Variants in NWD2 observed in about 807,000 individuals in gnomAD.
The protein encoded by NWD2 is NACHT and WD repeat domain-containing protein 2.
In NWD2, 37 loss-of-function variants were observed where a neutral mutation model predicts 132.7. The ratio of observed to expected loss-of-function variants is 0.28; its 90% CI spans 0.21 to 0.37. The LOEUF (loss-of-function observed/expected upper bound fraction) is 0.37, where lower values mean the gene tolerates loss of function less well. Ranked by LOEUF, NWD2 falls within the 10% of genes least tolerant of loss-of-function variation. The pLI, the probability that NWD2 is intolerant of heterozygous loss-of-function variation, is 1.00. For synonymous variants in NWD2, 705 were observed against 803.0 expected (o/e 0.88, Z 2.06); for missense variants, 1,592 against 2,122.4 (o/e 0.75, Z 4.91).
At chr4:37,353,086 A>C (rs1023746377) in intron 2 of NWD2, among the ~76,000 whole-genome samples, 1 of 152,150 alleles carries the variant, frequency 6.6e-6, no homozygotes, top group African/African-American at 2.4e-5. Context: ...TTGTTTGTAA[A>C]GGATTTTATT....
intron 3 of NWD2, among the ~76,000 whole-genome samples, chr4:37,388,644 AT>A (rs1418781402): frequency 9.0e-6 from 1 of 111,264 alleles, no homozygotes; most frequent in Admixed American, 8.3e-5. Context: ...TCATATATAA[AT>A]ATATATATCA....
intron 1 of NWD2, among the ~76,000 whole-genome samples, chr4:37,258,193 C>A (rs533927958): frequency 6.6e-6 from 1 of 152,356 alleles, no homozygotes; most frequent in East Asian, 1.9e-4. Context: ...AAATGAGCAG[C>A]CACTATTCTC....
intron 1 of NWD2, among the ~76,000 whole-genome samples, chr4:37,298,702 G>A (rs1033791335): frequency 1.3e-5 from 2 of 152,032 alleles, no homozygotes; most frequent in African/African-American, 4.8e-5. Flanking sequence ...ATTCAGACAA[G>A]GATCATCAAT....
chr4:37,370,835 A>G (rs1720211509), intron 3 of NWD2, among the ~76,000 whole-genome samples: 2 of 152,142 alleles, frequency 1.3e-5, no homozygotes, highest in Admixed American at 6.5e-5. Context: ...ATTTTGCCTC[A>G]TTTTGTTGCT....
intron 1 of NWD2, among the ~76,000 whole-genome samples, chr4:37,293,506 C>T (rs34253717): frequency 0.12 from 17,866 of 152,264 alleles, 1,141 homozygotes; most frequent in Middle Eastern, 0.16. Flanking sequence ...TGTGTCTTCA[C>T]AATCCATTGA....
chr4:37,277,808 T>C (rs1487818940), intron 1 of NWD2, among the ~76,000 whole-genome samples: 1 of 152,182 alleles, frequency 6.6e-6, no homozygotes, highest in African/African-American at 2.4e-5. Context: ...CTGGTCATTC[T>C]AGTTAACATA....
chr4:37,389,901 C>G (rs943503362), intron 3 of NWD2, among the ~76,000 whole-genome samples: 7 of 152,156 alleles, frequency 4.6e-5, no homozygotes, highest in African/African-American at 9.7e-5. Flanking sequence ...CTGCTTCAGC[C>G]TCGCGAGTAG....
At chr4:37,345,638 C>T (rs1357351750) in intron 2 of NWD2, among the ~76,000 whole-genome samples, 13 of 152,156 alleles carry the variant, frequency 8.5e-5, no homozygotes, top group African/African-American at 2.9e-4. Context: ...TGTTTTCTTG[C>T]ATTTTGTGTT....
intron 3 of NWD2, among the ~76,000 whole-genome samples, chr4:37,421,291 G>A (rs781176257): frequency 6.6e-6 from 1 of 152,168 alleles, no homozygotes; most frequent in Non-Finnish European, 1.5e-5. Flanking sequence ...GTTGTAATCT[G>A]TACTTTGGAG....
In NWD2 at chr4:37,311,932, T is replaced by C. The variant is rs1442296389; in HGVS notation, c.152-14004T>C. ...TTTGTCAGGTTTGTCAAAGATCAGA[T>C]AGTTGTAGATATGCGGCGTTATTTC... On this transcript the variant is annotated intron_variant, in intron 1 of 6. Transcript: ENST00000309447. 3.3e-5 allele frequency among the ~76,000 whole-genome samples: 5 copies of C among 151,644 alleles called. No individual in the cohort carries two copies. In the East Asian group the frequency reaches 7.7e-4, roughly 23 times the overall value.
chr4:37,265,822 A>G lies in NWD2; in HGVS notation c.151+20604A>G, dbSNP rs140479067. Among the ~76,000 whole-genome samples, 438 of 152,120 alleles carry G rather than the reference A, an allele frequency of 2.9e-3. 3 individuals carry two copies. Among genetic ancestry groups the G allele is most frequent in the South Asian group, 0.014 (68 of 4,824 alleles). On this transcript the variant is annotated intron_variant, in intron 1 of 6. Coordinates refer to ENST00000309447, the MANE Select transcript of NWD2 (RefSeq NM_001144990.2). ...CCATTTCAAGATCCTTAGCTTAATC[A>G]CATCTGCAGAGTCAGTCCCCTTTGC... is the stretch of plus-strand genomic sequence containing the variant.
chr4:37,418,935 GC>G (rs1216951471), intron 3 of NWD2, among the ~76,000 whole-genome samples: 1 of 151,714 alleles, frequency 6.6e-6, no homozygotes, highest in Non-Finnish European at 1.5e-5. Flanking sequence ...GTGATGATGA[GC>G]TTTTTTTTTT....
chr4:37,304,506 C>T (rs1718669566), intron 1 of NWD2, among the ~76,000 whole-genome samples: 1 of 152,160 alleles, frequency 6.6e-6, no homozygotes, highest in Non-Finnish European at 1.5e-5. Context: ...GTCTCTTCCA[C>T]CTATAAGCCT....
At position 37,439,430 on chromosome 4, in the gene NWD2, T is replaced by C; in HGVS notation, c.1296+40T>C. The C allele has an allele frequency of 7.7e-7, 1 of 1,291,552 alleles. No homozygotes were observed. The highest frequency in any genetic ancestry group is 1.0e-6 in the Non-Finnish European group (1 of 968,956). The allele number at this position is 1,291,552 out of a possible 1,614,324, so 80.0% of individuals were successfully genotyped here. A position where few individuals can be genotyped will look rare whatever the true frequency, so the allele number is the denominator to read the frequency against. On this transcript the variant is annotated intron_variant, in intron 6 of 6. Coordinates refer to ENST00000309447, the MANE Select transcript of NWD2 (RefSeq NM_001144990.2). This position sits in a 1 kb window ranked among gnomAD's most constrained non-coding sequence, Gnocchi z 4.5. ...TTTCCCGTGTATATTTGTAAAAACT[T>C]GTACTTTTGGAAAATGGTAAATTAA...
At chr4:37,375,017 A>C (rs571195954) in intron 3 of NWD2, among the ~76,000 whole-genome samples, 1 of 152,230 alleles carries the variant, frequency 6.6e-6, no homozygotes, top group African/African-American at 2.4e-5. Context: ...TGATCACAGC[A>C]TAACTTCTGA....
At chr4:37,396,988 G>A (rs1020682346) in intron 3 of NWD2, among the ~76,000 whole-genome samples, 89 of 151,968 alleles carry the variant, frequency 5.9e-4, no homozygotes, top group African/African-American at 1.9e-3. Flanking sequence ...AGCCAAGATC[G>A]TGCCATAGCA....
intron 1 of NWD2, among the ~76,000 whole-genome samples, chr4:37,297,763 T>A (rs545609627): frequency 2.0e-5 from 3 of 152,320 alleles, no homozygotes; most frequent in African/African-American, 7.2e-5. Context: ...GATGTTTGTT[T>A]ATGATTAGAT....
intron 1 of NWD2, among the ~76,000 whole-genome samples, chr4:37,268,433 TTA>T (rs1375238836): frequency 2.0e-5 from 3 of 151,960 alleles, no homozygotes; most frequent in Non-Finnish European, 4.4e-5. Flanking sequence ...TCTAATGTCT[TTA>T]TGTTGTTTCC....
intron 1 of NWD2, among the ~76,000 whole-genome samples, chr4:37,251,818 A>G (rs1717369654): frequency 6.6e-6 from 1 of 152,216 alleles, no homozygotes; most frequent in Non-Finnish European, 1.5e-5. Context: ...GATAGTATCT[A>G]GCCAGGGGGA....
Sources: gnomAD v4.1 joint callset for allele counts (sites outside exome capture counted in the v4.1 genomes callset) on GRCh38, gnomAD v4.1.1 for gene constraint, Gnocchi (gnomAD v3.1) non-coding constraint, MANE v1.5 for transcripts, NCBI Gene and HGNC (gene_info 2026-07-23, HGNC 2026-07-21) for gene names.